The following ATXN8OS variants were observed in gnomAD, a reference collection of about 807,000 sequenced individuals.
ATXN8OS encodes the protein ATXN8 opposite strand (non-protein coding).
intron 2 of ATXN8OS, among the ~76,000 whole-genome samples, chr13:70,125,982 G>T (rs1888427901): frequency 6.6e-6 from 1 of 152,148 alleles, no homozygotes; most frequent in Admixed American, 6.6e-5. Context: ...GTGATGCAAA[G>T]GAGAAGGGGC....
chr13:70,130,918 A>G (rs971298812), intron 3 of ATXN8OS: 3 of 398,368 alleles, frequency 7.5e-6, no homozygotes, highest in Non-Finnish European at 1.3e-5. Flanking sequence ...TAAATCTCTC[A>G]TGTTAACTAT....
chr13:70,134,966 T>G (rs770361535), intron 3 of ATXN8OS, among the ~76,000 whole-genome samples: 40 of 152,166 alleles, frequency 2.6e-4, no homozygotes, highest in Admixed American at 3.3e-4. Flanking sequence ...TGGACTCTTG[T>G]TCTCTTGGGA....
intron 4 of ATXN8OS, among the ~76,000 whole-genome samples, chr13:70,161,532 AC>A (rs746803159): frequency 5.9e-5 from 9 of 152,110 alleles, no homozygotes; most frequent in Admixed American, 2.0e-4. Flanking sequence ...TTTCAGAACA[AC>A]TTTTTCTGAC....
chr13:70,122,550 G>A (rs1487535181), intron 2 of ATXN8OS, among the ~76,000 whole-genome samples: 2 of 151,930 alleles, frequency 1.3e-5, no homozygotes, highest in Non-Finnish European at 2.9e-5. Context: ...TAAAACAAAT[G>A]TGTACGGCTG....
intron 3 of ATXN8OS, among the ~76,000 whole-genome samples, chr13:70,133,114 G>A (rs1236554700): frequency 6.6e-6 from 1 of 152,140 alleles, no homozygotes; most frequent in African/African-American, 2.4e-5. Context: ...ATCAGAAATA[G>A]GATGAAGGTG....
At chr13:70,150,158 C>T (rs543658323) in intron 4 of ATXN8OS, among the ~76,000 whole-genome samples, 1 of 152,160 alleles carries the variant, frequency 6.6e-6, no homozygotes, top group East Asian at 1.9e-4. Flanking sequence ...TTCTTGCCAG[C>T]CTTCCTATCC....
chr13:70,130,612 G>A (rs1024222734), intron 3 of ATXN8OS: 6 of 397,714 alleles, frequency 1.5e-5, no homozygotes, highest in African/African-American at 6.2e-5. Flanking sequence ...GGAGAGATGG[G>A]TAAGTAATGC....
At chr13:70,152,019 A>G (rs1386221544) in intron 4 of ATXN8OS, among the ~76,000 whole-genome samples, 1 of 152,080 alleles carries the variant, frequency 6.6e-6, no homozygotes, top group South Asian at 2.1e-4. Context: ...AAAATCCTTA[A>G]TAACTTAAAC....
chr13:70,171,694 A>C (rs1003529269), exon 5 of ATXN8OS, among the ~76,000 whole-genome samples: 5 of 152,098 alleles, frequency 3.3e-5, no homozygotes, highest in African/African-American at 1.2e-4. Flanking sequence ...ACTTTCATTG[A>C]CTTTTTCTTA....
chr13:70,149,944 G>A (rs1031890881), intron 4 of ATXN8OS, among the ~76,000 whole-genome samples: 1 of 152,064 alleles, frequency 6.6e-6, no homozygotes, highest in African/African-American at 2.4e-5. Flanking sequence ...GAGAGGAAGT[G>A]AGGAAGGAAG....
intron 4 of ATXN8OS, among the ~76,000 whole-genome samples, chr13:70,161,320 T>C (rs1036251117): frequency 2.6e-5 from 4 of 152,266 alleles, no homozygotes; most frequent in Middle Eastern, 3.4e-3. Flanking sequence ...GGAAGCATTC[T>C]GATTTTTGTA....
chr13:70,170,244 C>T lies in ATXN8OS; in HGVS notation n.1065C>T, dbSNP rs1473305190. On this transcript the variant is annotated non_coding_transcript_exon_variant, in exon 5 of 5. Coordinates refer to ENST00000678624, the Ensembl canonical transcript of ATXN8OS. The stretch of plus-strand genomic sequence containing the variant: ...TTATGGGATCTAGGATCTCAGATGC[C>T]ATTCTGAATTCGTAACATATGAATG... Among the ~76,000 whole-genome samples, 4 of 152,126 alleles carry T rather than the reference C, an allele frequency of 2.6e-5. 1 individual carries two copies. Among genetic ancestry groups the T allele is most frequent in the South Asian group, 4.2e-4 (2 of 4,818 alleles).
At chr13:70,120,395 C>A (rs2137474681) in intron 2 of ATXN8OS, among the ~76,000 whole-genome samples, 1 of 152,126 alleles carries the variant, frequency 6.6e-6, no homozygotes, top group African/African-American at 2.4e-5. Context: ...TTGGTTAGAA[C>A]AAGACCATCT....
intron 2 of ATXN8OS, among the ~76,000 whole-genome samples, chr13:70,119,011 A>G (rs1042702929): frequency 7.2e-5 from 11 of 152,128 alleles, no homozygotes; most frequent in African/African-American, 2.4e-4. Context: ...GAATATTTCA[A>G]TAAATCAATC....
chr13:70,165,851 A>G (rs1304354113), intron 4 of ATXN8OS, among the ~76,000 whole-genome samples: 1 of 152,054 alleles, frequency 6.6e-6, no homozygotes, highest in African/African-American at 2.4e-5. Context: ...AATTACAAGT[A>G]AAATATTTAA....
chr13:70,140,201 A>G (rs1482433219), intron 3 of ATXN8OS, among the ~76,000 whole-genome samples: 3 of 152,104 alleles, frequency 2.0e-5, no homozygotes, highest in Non-Finnish European at 4.4e-5. Context: ...CTTTGAATTT[A>G]TTATTTTCAT....
At chr13:70,117,735 G>A (rs980743364) in intron 2 of ATXN8OS, among the ~76,000 whole-genome samples, 1 of 152,010 alleles carries the variant, frequency 6.6e-6, no homozygotes, top group African/African-American at 2.4e-5. Flanking sequence ...AGAAGTTAAC[G>A]TGTAGGTCAA....
intron 4 of ATXN8OS, among the ~76,000 whole-genome samples, chr13:70,155,740 G>A (rs1360008): frequency 0.49 from 73,516 of 149,114 alleles, 20,495 homozygotes; most frequent in Non-Finnish European, 0.64. Context: ...CACCTCTTCA[G>A]TTTAGGATCT....
intron 4 of ATXN8OS, among the ~76,000 whole-genome samples, chr13:70,159,533 G>T (rs1453880718): frequency 1.3e-5 from 2 of 151,952 alleles, no homozygotes; most frequent in African/African-American, 4.8e-5. Flanking sequence ...TGAACTTTAT[G>T]ATTATTATGG....
Sources: allele counts gnomAD v4.1 joint callset (sites outside exome capture counted in the v4.1 genomes callset), GRCh38; gene constraint gnomAD v4.1.1; transcripts MANE v1.5; gene names NCBI Gene and HGNC (gene_info 2026-07-23, HGNC 2026-07-21).